CD200R1: variants seen among roughly 807,000 people sequenced by gnomAD.
CD200R1 encodes cell surface glycoprotein CD200 receptor 1.
CD200R1 carries 30 observed loss-of-function variants against 38.1 expected under a neutral mutation model. The ratio of observed to expected loss-of-function variants is 0.79; its 90% CI spans 0.59 to 1.07. The LOEUF is 1.07. Among genes scored for constraint, CD200R1 ranks in the 50% least tolerant of loss-of-function variants. CD200R1 has a pLI of 0.00. For synonymous variants in CD200R1, 128 were observed against 152.1 expected (o/e 0.84, Z 1.16); for missense variants, 372 against 415.4 (o/e 0.90, Z 0.91).
At chr3:112,951,524 C>T (rs79806358) in intron 1 of CD200R1, among the ~76,000 whole-genome samples, 3 of 151,580 alleles carry the variant, frequency 2.0e-5, no homozygotes, top group African/African-American at 7.3e-5. Context: ...ATACAAACAC[C>T]TTACAAATTA....
chr3:112,944,320 T>C lies in CD200R1; in HGVS notation c.136+3536A>G, dbSNP rs558946486. On this transcript the variant is annotated intron_variant, in intron 2 of 7. Transcript: ENST00000308611. ...GAACAACTGGGGTTTATTCCAGATA[T>C]GCAAGCCTGGCTCAAAATTCAAAAA... 1.4e-3 allele frequency among the ~76,000 whole-genome samples: 206 copies of C among 152,130 alleles called. 2 individuals are homozygous for C. The highest frequency in any genetic ancestry group is 4.7e-3 in the African/African-American group (196 of 41,566).
At chr3:112,945,899 G>C (rs1940840245) in intron 2 of CD200R1, among the ~76,000 whole-genome samples, 1 of 152,020 alleles carries the variant, frequency 6.6e-6, no homozygotes. Context: ...GTGGTAGCTG[G>C]CGCCTGTAGT....
intron 6 of CD200R1, among the ~76,000 whole-genome samples, 189 bp downstream of exon 6, chr3:112,924,896 T>C (rs16860245): frequency 0.04 from 6,092 of 152,176 alleles, 264 homozygotes; most frequent in East Asian, 0.22. Flanking sequence ...CATGCTTCTA[T>C]GCCAAAGCAA....
chr3:112,928,748 CT>C (rs200632736), intron 5 of CD200R1, 67 bp downstream of exon 5: 176 of 1,212,968 alleles, frequency 1.5e-4, no homozygotes, highest in Non-Finnish European at 1.8e-4. Context: ...ATTTGCACAT[CT>C]TTTTTTTTCT....
At chr3:112,937,041 C>A (rs1485707790) in intron 2 of CD200R1, among the ~76,000 whole-genome samples, 17 of 152,056 alleles carry the variant, frequency 1.1e-4, no homozygotes, top group Admixed American at 2.6e-4. Flanking sequence ...AAGACATACC[C>A]AAGACTGGAT....
At chr3:112,931,216 C>T (rs773260030) in intron 2 of CD200R1, 45 bp from the exon 3 acceptor site, 2 of 1,245,868 alleles carry the variant, frequency 1.6e-6, no homozygotes, top group African/African-American at 2.9e-5. Context: ...ATTTTATGTA[C>T]TCAGAGTGGA....
chr3:112,955,804 T>C (rs77736084), intron 1 of CD200R1, among the ~76,000 whole-genome samples: 4 of 151,620 alleles, frequency 2.6e-5, no homozygotes, highest in African/African-American at 9.7e-5. Flanking sequence ...TTTTTTTTTT[T>C]CAGTACTTTA....
chr3:112,973,467 C>T (rs991475909), intron 1 of CD200R1, among the ~76,000 whole-genome samples: 1 of 152,178 alleles, frequency 6.6e-6, no homozygotes, highest in African/African-American at 2.4e-5. Flanking sequence ...ACATACTAGT[C>T]ATATCTAACC....
At chr3:112,941,279 A>G (rs1221853492) in intron 2 of CD200R1, among the ~76,000 whole-genome samples, 1 of 151,674 alleles carries the variant, frequency 6.6e-6, no homozygotes, top group Non-Finnish European at 1.5e-5. Flanking sequence ...TATATTACAT[A>G]TTTTCAAAGA....
intron 1 of CD200R1, among the ~76,000 whole-genome samples, chr3:112,971,559 C>T (rs2107350280): frequency 6.6e-6 from 1 of 152,264 alleles, no homozygotes; most frequent in African/African-American, 2.4e-5. Flanking sequence ...AAGCTCTTGA[C>T]TCATGTTTCA....
At chr3:112,939,960 C>A (rs9819079) in intron 2 of CD200R1, among the ~76,000 whole-genome samples, 87,288 of 150,988 alleles carry the variant, frequency 0.58, 25,579 homozygotes, top group African/African-American at 0.68. Flanking sequence ...ATGGTACTGG[C>A]ATAAAAACCG....
chr3:112,965,499 A>C (rs1933134386), intron 1 of CD200R1, among the ~76,000 whole-genome samples: 1 of 152,208 alleles, frequency 6.6e-6, no homozygotes, highest in Non-Finnish European at 1.5e-5. Flanking sequence ...ATGGTGGCTC[A>C]TGCCTGTAAT....
rs114816890 is a variant in CD200R1 at position 112,926,841 on chromosome 3, C to T, written c.770-1648G>A. Among the ~76,000 whole-genome samples the T allele has an allele frequency of 2.0e-3, 302 of 151,414 alleles. 1 individual carries two copies. Among genetic ancestry groups the T allele is most frequent in the African/African-American group, 6.9e-3 (284 of 41,350 alleles). ...GAAGACAAGAACAGATGAAAGATTT[C>T]GAACTGTTTTTAAGTGAGAAATGAA... On this transcript the variant is annotated intron_variant, in intron 5 of 7. Coordinates refer to ENST00000308611, the MANE Select transcript of CD200R1 (RefSeq NM_138806.4).
At chr3:112,946,384 C>T (rs550643247) in intron 2 of CD200R1, among the ~76,000 whole-genome samples, 6 of 152,200 alleles carry the variant, frequency 3.9e-5, no homozygotes, top group East Asian at 3.9e-4. Context: ...CCCATGGATA[C>T]AGAGGGCCAA....
chr3:112,972,468 T>A (rs186440251), intron 1 of CD200R1, among the ~76,000 whole-genome samples: 2 of 152,176 alleles, frequency 1.3e-5, no homozygotes, highest in East Asian at 3.9e-4. Flanking sequence ...GTAACTTTTA[T>A]AAAAGATGGA....
intron 1 of CD200R1, among the ~76,000 whole-genome samples, chr3:112,967,256 A>G (rs1017145082): frequency 6.6e-6 from 1 of 152,076 alleles, no homozygotes; most frequent in African/African-American, 2.4e-5. Context: ...CTAGATCTCT[A>G]TACAGGTGAT....
chr3:112,957,348 C>T (rs1028476613), intron 1 of CD200R1, among the ~76,000 whole-genome samples: 2 of 152,098 alleles, frequency 1.3e-5, no homozygotes, highest in East Asian at 3.8e-4. Flanking sequence ...CTCCACCCTC[C>T]AACCAATCTA....
At chr3:112,966,790 C>CA (rs935657632) in intron 1 of CD200R1, among the ~76,000 whole-genome samples, 19 of 152,194 alleles carry the variant, frequency 1.2e-4, no homozygotes, top group Admixed American at 7.8e-4. Flanking sequence ...CTTACTTCCC[C>CA]TTCTAGCTAG....
At chr3:112,962,854 T>C (rs981940922) in intron 1 of CD200R1, among the ~76,000 whole-genome samples, 3 of 152,086 alleles carry the variant, frequency 2.0e-5, no homozygotes, top group Admixed American at 1.3e-4. Context: ...TGAAGAAAAG[T>C]AGGATATAAA....
Sources: gnomAD v4.1 joint callset for allele counts (sites outside exome capture counted in the v4.1 genomes callset) on GRCh38, gnomAD v4.1.1 for gene constraint, MANE v1.5 for transcripts, NCBI Gene and HGNC (gene_info 2026-07-23, HGNC 2026-07-21) for gene names.